The following NKAIN3 variants were observed in gnomAD, a reference collection of about 807,000 sequenced individuals.
NKAIN3 encodes sodium/potassium transporting ATPase interacting 3.
A neutral mutation model predicts 30.2 loss-of-function variants in NKAIN3; 25 were observed. That is an observed-to-expected ratio of 0.83 (90% CI 0.60 to 1.16). NKAIN3 has a LOEUF of 1.16. Ranked by LOEUF, NKAIN3 falls within the 50% of genes most tolerant of loss-of-function variation. The pLI, the probability that NKAIN3 is intolerant of heterozygous loss-of-function variation, is 0.00. For synonymous variants in NKAIN3, 91 were observed against 89.6 expected, an observed-to-expected ratio of 1.02 and a Z score of -0.09; for missense variants, 225 against 254.1, an observed-to-expected ratio of 0.89 and a Z score of 0.78.
intron 4 of NKAIN3, among the ~76,000 whole-genome samples, chr8:62,838,151 G>GTATA (rs201397119): frequency 1.3e-5 from 2 of 150,552 alleles, no homozygotes. Context: ...GTGTGTGTGT[G>GTATA]TATATAAAAT....
chr8:62,739,495 C>T (rs1328365136), intron 3 of NKAIN3, among the ~76,000 whole-genome samples: 5 of 152,088 alleles, frequency 3.3e-5, no homozygotes. Context: ...TTAACATTCT[C>T]ATTGCTTCAA....
intron 4 of NKAIN3, among the ~76,000 whole-genome samples, chr8:62,907,200 A>G (rs1821801829): frequency 6.6e-6 from 1 of 152,152 alleles, no homozygotes; most frequent in South Asian, 2.1e-4. Context: ...CTTGAGAGAG[A>G]TAATTTAGGG....
intron 5 of NKAIN3, among the ~76,000 whole-genome samples, chr8:62,994,887 A>G (rs1804070922): frequency 6.6e-6 from 1 of 152,256 alleles, no homozygotes. Flanking sequence ...GAAAGTAAAT[A>G]GCAAAAATAG....
At position 62,629,997 on chromosome 8, in the gene NKAIN3, G is replaced by A. The variant is rs528839249; in HGVS notation, c.273+40203G>A. 9.2e-5 allele frequency among the ~76,000 whole-genome samples: 14 copies of A among 152,082 alleles called. No individual in the cohort carries two copies. The South Asian group carries it at 2.7e-3, about 29-fold the overall frequency. On this transcript the variant is annotated intron_variant, in intron 3 of 6. Transcript: ENST00000623646. Reference sequence around the variant, plus strand: ...TCAAATGTTGTCTGAAAACAGCTGAGTACAATAAGTATAATAAAATATGGA... The same window carrying A: ...TCAAATGTTGTCTGAAAACAGCTGAATACAATAAGTATAATAAAATATGGA...
chr8:62,826,040 C>T (rs1819010483), intron 4 of NKAIN3, among the ~76,000 whole-genome samples: 1 of 152,190 alleles, frequency 6.6e-6, no homozygotes, highest in Non-Finnish European at 1.5e-5. Flanking sequence ...GCTCCTGGCT[C>T]AGGCCTCCTC....
At position 62,909,665 on chromosome 8, in the gene NKAIN3, T is replaced by C. The variant is rs575237098; in HGVS notation, c.472-8788T>C. Among the ~76,000 whole-genome samples the C allele has an allele frequency of 1.8e-4, 28 of 151,734 alleles. No homozygotes were observed. The East Asian group carries it at 5.5e-3, about 30-fold the overall frequency. ...AGACAGTTTCTCATGAGGGCAACAT[T>C]ATTAATTAAGCAGCAGTTTGGTTAA... On this transcript the variant is annotated intron_variant, in intron 4 of 6. Transcript: ENST00000623646.
chr8:62,551,297 A>T (rs1020495463), intron 1 of NKAIN3, among the ~76,000 whole-genome samples: 3 of 152,018 alleles, frequency 2.0e-5, no homozygotes, highest in Non-Finnish European at 4.4e-5. Flanking sequence ...CATTCTTAGG[A>T]TCTACTTCTG....
At chr8:62,415,972 G>C (rs1007646509) in intron 1 of NKAIN3, among the ~76,000 whole-genome samples, 5 of 151,970 alleles carry the variant, frequency 3.3e-5, no homozygotes, top group Non-Finnish European at 7.4e-5. Flanking sequence ...TTAGCCAGAT[G>C]GTCTTGATCT....
intron 4 of NKAIN3, among the ~76,000 whole-genome samples, chr8:62,757,090 T>A (rs1176399794): frequency 6.6e-6 from 1 of 152,166 alleles, no homozygotes; most frequent in East Asian, 1.9e-4. Context: ...ATAGAAAATC[T>A]GAGATCCGTT....
intron 4 of NKAIN3, among the ~76,000 whole-genome samples, chr8:62,869,631 A>T (rs1189932360): frequency 6.6e-6 from 1 of 152,200 alleles, no homozygotes; most frequent in African/African-American, 2.4e-5. Flanking sequence ...AGGCAGAAAA[A>T]GGCAGAGAAG....
At chr8:62,614,869 T>A in intron 3 of NKAIN3, among the ~76,000 whole-genome samples, 1 of 152,138 alleles carries the variant, frequency 6.6e-6, no homozygotes, top group Admixed American at 6.5e-5. Flanking sequence ...TTGTCATGAA[T>A]GCTTCCTGGA....
intron 5 of NKAIN3, among the ~76,000 whole-genome samples, chr8:62,997,906 T>C (rs1585654883): frequency 6.6e-6 from 1 of 152,134 alleles, no homozygotes; most frequent in Non-Finnish European, 1.5e-5. Context: ...CCCTTAGGGC[T>C]TTTTGGAGTC....
At chr8:62,830,066 T>A (rs1292959979) in intron 4 of NKAIN3, among the ~76,000 whole-genome samples, 2 of 152,202 alleles carry the variant, frequency 1.3e-5, no homozygotes, top group African/African-American at 4.8e-5. Context: ...AGAATCCTAT[T>A]GTAGATATAC....
chr8:62,948,387 A>G (rs529669471), intron 5 of NKAIN3, among the ~76,000 whole-genome samples: 5 of 152,150 alleles, frequency 3.3e-5, no homozygotes, highest in African/African-American at 1.2e-4. Context: ...TTTAGTATAG[A>G]TGGTGTTTCA....
intron 1 of NKAIN3, among the ~76,000 whole-genome samples, chr8:62,259,928 T>A (rs569907902): frequency 6.6e-6 from 1 of 152,254 alleles, no homozygotes; most frequent in Admixed American, 6.5e-5. Context: ...GGGCTCTAAT[T>A]GCAAGAATTA....
rs1823711932 is a variant in NKAIN3 at position 62,966,301 on chromosome 8, G to A, written c.*894G>A. ...ATTCTCTATAAATACTTCTAAAGGAGACATTCACGTGTGAGCAACATCAGC... is the reference window on the plus strand; with the variant it reads ...ATTCTCTATAAATACTTCTAAAGGAAACATTCACGTGTGAGCAACATCAGC... On this transcript the variant is annotated 3_prime_UTR_variant, in exon 7 of 7. Coordinates refer to ENST00000623646, the MANE Select transcript of NKAIN3 (RefSeq NM_001304533.3). 4.1e-6 allele frequency: 4 copies of A among 984,772 alleles called. No individual in the cohort carries two copies. The highest frequency in any genetic ancestry group is 4.8e-6 in the Non-Finnish European group (4 of 829,406). The allele number at this position is 984,772 out of a possible 1,614,324, so 61.0% of individuals were successfully genotyped here.
intron 3 of NKAIN3, among the ~76,000 whole-genome samples, chr8:62,643,264 T>C (rs1352419859): frequency 6.6e-6 from 1 of 152,138 alleles, no homozygotes; most frequent in Non-Finnish European, 1.5e-5. Flanking sequence ...ATAAAAATAA[T>C]GCACAATCAG....
chr8:62,447,146 T>G (rs952695475), intron 1 of NKAIN3, among the ~76,000 whole-genome samples: 2 of 152,056 alleles, frequency 1.3e-5, no homozygotes, highest in Non-Finnish European at 2.9e-5. Flanking sequence ...ATATGACTAA[T>G]ATTTACCTAG....
intron 4 of NKAIN3, among the ~76,000 whole-genome samples, chr8:62,879,357 C>T (rs6983664): frequency 0.7 from 106,052 of 151,892 alleles, 37,756 homozygotes; most frequent in African/African-American, 0.8. Flanking sequence ...TTTGATGGGG[C>T]TGTTTGTTTT....
Sources: allele counts gnomAD v4.1 joint callset (sites outside exome capture counted in the v4.1 genomes callset), GRCh38; gene constraint gnomAD v4.1.1; transcripts MANE v1.5; gene names NCBI Gene and HGNC (gene_info 2026-07-23, HGNC 2026-07-21).